Variants in MDGA2 observed in about 807,000 individuals in gnomAD.
MDGA2 encodes the protein MAM domain containing glycosylphosphatidylinositol anchor 2.
A neutral mutation model predicts 117.8 loss-of-function variants in MDGA2; 40 were observed. The observed-to-expected ratio is 0.34, with a 90% CI of 0.26 to 0.44. The LOEUF is 0.44. Ranked by LOEUF, MDGA2 falls within the 20% of genes least tolerant of loss-of-function variation. The pLI is 1.00. For synonymous variants in MDGA2, 452 were observed against 439.0 expected (o/e 1.03, Z -0.37); for missense variants, 1,123 against 1,250.6 (o/e 0.90, Z 1.54).
intron 12 of MDGA2, among the ~76,000 whole-genome samples, chr14:46,875,279 C>T (rs1045229088): frequency 8.2e-4 from 124 of 151,768 alleles, no homozygotes; most frequent in African/African-American, 2.9e-3. Flanking sequence ...GAAATGGAGT[C>T]CTGGTTGAGA....
At position 47,173,784 on chromosome 14, in the gene MDGA2, A is replaced by T. The variant is rs1333610100; in HGVS notation, c.596-29510T>A. Among the ~76,000 whole-genome samples, 5 of 152,192 alleles carry T rather than the reference A, an allele frequency of 3.3e-5. No homozygotes were observed. In the South Asian group the frequency reaches 8.3e-4, roughly 25 times the overall value. ...AGCTAACATCATAATGACAGGATCA[A>T]ATTCACACATAACAATATTAACTTT... On this transcript the variant is annotated intron_variant, in intron 3 of 16. Transcript: ENST00000399232.
Position 47,362,261 on chromosome 14 carries a change from C to T in MDGA2, c.281-60711G>A, listed in dbSNP as rs1459920985. 6.6e-5 allele frequency among the ~76,000 whole-genome samples: 10 copies of T among 152,222 alleles called. No homozygotes were observed. In the East Asian group the frequency reaches 1.7e-3, roughly 26 times the overall value. ...TTTCCCTTTGTTTCAAAGAAGACTCCTCTCCACATACATATTAAAATGAAG... is the reference window on the plus strand; with the variant it reads ...TTTCCCTTTGTTTCAAAGAAGACTCTTCTCCACATACATATTAAAATGAAG... On this transcript the variant is annotated intron_variant, in intron 1 of 16. Transcript: ENST00000399232.
chr14:47,051,804 G>A (rs1055370224), intron 7 of MDGA2, among the ~76,000 whole-genome samples: 2 of 151,832 alleles, frequency 1.3e-5, no homozygotes, highest in African/African-American at 4.8e-5. Context: ...CATAAATACT[G>A]CTATTTAATT....
chr14:47,100,893 T>C (rs995077118), intron 5 of MDGA2, among the ~76,000 whole-genome samples: 6 of 152,092 alleles, frequency 3.9e-5, no homozygotes, highest in African/African-American at 7.2e-5. Context: ...AAGCAGTGCT[T>C]AAAAATGACT....
chr14:47,615,969 G>A (rs1342361644), intron 1 of MDGA2, among the ~76,000 whole-genome samples: 2 of 152,118 alleles, frequency 1.3e-5, no homozygotes, highest in African/African-American at 4.8e-5. Context: ...ACTAAAGGGG[G>A]AGGCCTTGTT....
At chr14:47,104,816 C>G (rs1364809872) in intron 5 of MDGA2, among the ~76,000 whole-genome samples, 1 of 152,142 alleles carries the variant, frequency 6.6e-6, no homozygotes, top group African/African-American at 2.4e-5. Context: ...AACATCTCAC[C>G]AATTTCAAAT....
intron 2 of MDGA2, among the ~76,000 whole-genome samples, chr14:47,239,244 T>C (rs8012473): frequency 6.7e-6 from 1 of 150,158 alleles, no homozygotes; most frequent in African/African-American, 2.4e-5. Flanking sequence ...AGGGCTCTGA[T>C]AAGTGCTAAA....
Position 47,116,980 on chromosome 14 carries a change from T to C in MDGA2, c.925+14734A>G, listed in dbSNP as rs555014207. ...TAGAGTGAAAAGACAGCCTATTAAG[T>C]GGGAGAAAACAAAATGCAAACCATA... On this transcript the variant is annotated intron_variant, in intron 5 of 16. Transcript: ENST00000399232. 9.9e-5 allele frequency among the ~76,000 whole-genome samples: 15 copies of C among 151,152 alleles called. No homozygotes were observed. In the South Asian group the frequency reaches 3.1e-3, roughly 32 times the overall value.
rs574867950 is a variant in MDGA2, at chr14:47,294,559, A to T, written c.420+6852T>A. ...TCTAGATATGTTTATCACAGACGAAAAAAAGCAAATTATATTAATTTTATA... is the reference window on the plus strand; with the variant it reads ...TCTAGATATGTTTATCACAGACGAATAAAAGCAAATTATATTAATTTTATA... On this transcript the variant is annotated intron_variant, in intron 2 of 16. Coordinates refer to ENST00000399232, the MANE Select transcript of MDGA2 (RefSeq NM_001113498.3). 9.9e-5 allele frequency among the ~76,000 whole-genome samples: 15 copies of T among 152,270 alleles called. No homozygotes were observed. In the East Asian group the frequency reaches 2.3e-3, roughly 24 times the overall value.
At chr14:46,897,504 G>A (rs764588683) in intron 10 of MDGA2, among the ~76,000 whole-genome samples, 2 of 152,052 alleles carry the variant, frequency 1.3e-5, no homozygotes, top group Admixed American at 6.6e-5. Flanking sequence ...GTCATTGAAA[G>A]CCATCTGTTG....
intron 5 of MDGA2, among the ~76,000 whole-genome samples, chr14:47,105,283 T>C (rs1348814759): frequency 6.6e-6 from 1 of 152,084 alleles, no homozygotes; most frequent in Non-Finnish European, 1.5e-5. Context: ...CCCAATCCCT[T>C]ATTTCTGCAC....
chr14:47,361,211 A>C (rs200649591), intron 1 of MDGA2, among the ~76,000 whole-genome samples: 32,078 of 121,252 alleles, frequency 0.26, 3,669 homozygotes, highest in Admixed American at 0.39. Context: ...CTCTCTCTAT[A>C]TATATATATA....
intron 8 of MDGA2, among the ~76,000 whole-genome samples, chr14:47,004,349 A>C (rs1887638022): frequency 6.6e-6 from 1 of 151,864 alleles, no homozygotes; most frequent in African/African-American, 2.4e-5. Context: ...TTTCTCAGCT[A>C]AATTGCCTTA....
rs140972018 is a variant in MDGA2 at position 47,118,008 on chromosome 14, C to T, written c.925+13706G>A. 6.0e-3 allele frequency among the ~76,000 whole-genome samples: 906 copies of T among 152,136 alleles called. 4 individuals carry two copies. The highest frequency in any genetic ancestry group is 0.017 in the Middle Eastern group (5 of 292). On this transcript the variant is annotated intron_variant, in intron 5 of 16. Coordinates refer to ENST00000399232, the MANE Select transcript of MDGA2 (RefSeq NM_001113498.3). The stretch of plus-strand genomic sequence containing the variant: ...CCAAGTTTTGCATGCAGTTAGAAGC[C>T]AATTTACTGAACTGAATTACAAAGC...
intron 7 of MDGA2, chr14:47,058,464 A>T (rs1022664127): frequency 1.1e-6 from 1 of 926,488 alleles, no homozygotes; most frequent in African/African-American, 1.8e-5. Context: ...CACTCATCCC[A>T]TTTGTGTGAA....
At chr14:47,135,580 T>C (rs899855189) in intron 4 of MDGA2, among the ~76,000 whole-genome samples, 1 of 152,120 alleles carries the variant, frequency 6.6e-6, no homozygotes, top group African/African-American at 2.4e-5. Context: ...CTTAAGATAA[T>C]CTATGCTGCA....
intron 1 of MDGA2, among the ~76,000 whole-genome samples, chr14:47,307,715 A>T (rs568574233): frequency 1.3e-5 from 2 of 149,484 alleles, no homozygotes; most frequent in African/African-American, 4.9e-5. Context: ...GGAAAAAAAT[A>T]TGAAGATTTG....
rs142550699 is a variant in MDGA2 at position 47,304,255 on chromosome 14, G to A, written c.281-2705C>T. Among the ~76,000 whole-genome samples, 27 of 152,216 alleles carry A rather than the reference G, an allele frequency of 1.8e-4. 1 individual carries two copies. The East Asian group carries it at 3.5e-3, about 20-fold the overall frequency. On this transcript the variant is annotated intron_variant, in intron 1 of 16. Transcript: ENST00000399232. ...ATATAGGTCAGCACTCTTATTTCCC[G>A]ATTAGGAAAGAAAAGCCTGAGGACA...
At chr14:47,399,742 ACAAAT>A (rs900805391) in intron 1 of MDGA2, among the ~76,000 whole-genome samples, 1 of 143,246 alleles carries the variant, frequency 7.0e-6, no homozygotes, top group African/African-American at 2.5e-5. Flanking sequence ...AAATCACGAA[ACAAAT>A]CATGTCTGTT....
Sources: allele counts gnomAD v4.1 joint callset (sites outside exome capture counted in the v4.1 genomes callset), GRCh38; gene constraint gnomAD v4.1.1; transcripts MANE v1.5; gene names NCBI Gene and HGNC (gene_info 2026-07-23, HGNC 2026-07-21).